The following ZBTB7A variants were observed in gnomAD, a reference collection of about 807,000 sequenced individuals.
ZBTB7A encodes zinc finger and BTB domain containing 7A.
Under a neutral mutation model 26.7 loss-of-function variants are expected in ZBTB7A, and 7 were observed. That is an observed-to-expected ratio of 0.26 (90% confidence interval 0.15 to 0.49). The LOEUF is 0.49. Ranked by LOEUF, ZBTB7A falls within the 20% of genes least tolerant of loss-of-function variation. The probability of loss-of-function intolerance (pLI) is 0.98; values close to 1 mark genes in which losing one functional copy is unlikely to be tolerated. For missense variants in ZBTB7A, 617 were observed against 919.5 expected (o/e 0.67, Z 4.25); for synonymous variants, 452 against 441.0 (o/e 1.02, Z -0.31).
chr19:4,063,949 T>A (rs2040664791), intron 1 of ZBTB7A, among the ~76,000 whole-genome samples: 1 of 152,196 alleles, frequency 6.6e-6, no homozygotes, highest in Admixed American at 6.5e-5. Context: ...AACGGGGATC[T>A]GCCACCAGGT....
At position 4,054,867 on chromosome 19, in the gene ZBTB7A, C is replaced by A. The variant is rs749231615; in HGVS notation, c.366G>T (p.Val122=). ...RLLEIPAVSH[V]CADLLDRQIL... Reference sequence around the variant, plus strand: ...TCTGCCGGTCCAGGAGGTCGGCGCACACGTGGCTCACGGCGGGGATCTCCA... The same window carrying A: ...TCTGCCGGTCCAGGAGGTCGGCGCAAACGTGGCTCACGGCGGGGATCTCCA... The change falls in exon 2 of 3, where the codon GTG becomes GTT. Residue 122 remains valine, a synonymous_variant. Coordinates refer to ENST00000322357, the MANE Select transcript of ZBTB7A (RefSeq NM_015898.4). 1.2e-6 allele frequency: 2 copies of A among 1,610,034 alleles called. No homozygotes were observed. Among genetic ancestry groups the A allele is most frequent in the East Asian group, 4.5e-5 (2 of 44,708 alleles).
At position 4,054,018 on chromosome 19, in the gene ZBTB7A, C is replaced by T. The variant is rs746460773; in HGVS notation, c.1215G>A (p.Thr405=). ...GKLPRHIRTH[T]GEKPYECNIC... Reference sequence around the variant, plus strand: ...TGTTGCACTCGTAGGGCTTCTCGCCCGTGTGGGTGCGGATGTGTCGCGGCA... The same window carrying T: ...TGTTGCACTCGTAGGGCTTCTCGCCTGTGTGGGTGCGGATGTGTCGCGGCA... Residue 405 remains threonine (T), a synonymous_variant, in exon 2 of 3, where the codon ACG becomes ACA. Coordinates refer to ENST00000322357, the MANE Select transcript of ZBTB7A (RefSeq NM_015898.4). 1 of 1,611,374 alleles carries T rather than the reference C, an allele frequency of 6.2e-7. No homozygotes were observed. The highest frequency in any genetic ancestry group is 1.1e-5 in the South Asian group (1 of 91,004).
At chr19:4,049,736 C>T (rs886072275) in intron 2 of ZBTB7A, among the ~76,000 whole-genome samples, 5 of 152,190 alleles carry the variant, frequency 3.3e-5, no homozygotes, top group African/African-American at 1.2e-4. Context: ...CGTCACTCCC[C>T]TATCTGGGCT....
At chr19:4,051,076 C>T (rs1388590078) in intron 2 of ZBTB7A, among the ~76,000 whole-genome samples, 43 of 109,768 alleles carry the variant, frequency 3.9e-4, no homozygotes, top group Admixed American at 1.0e-3. Flanking sequence ...CCAGCCTGGG[C>T]GACAGAGCAA....
intron 1 of ZBTB7A, chr19:4,062,021 TCTCC>T (rs1456911255): frequency 6.6e-6 from 1 of 152,148 alleles, no homozygotes; most frequent in Non-Finnish European, 1.5e-5. Context: ...GTGACCTCTC[TCTCC>T]CTCCCCTGAG....
rs557211563 is a variant in ZBTB7A, at chr19:4,047,886, C to T, written c.1621G>A (p.Glu541Lys). ...RNGQEKHFKD[E>K]DEDEDVASPD... ...CTGGCCACGTCCTCGTCCTCGTCCT[C>T]GTCCTTAAAGTGCTTCTCCTGGCCG... Residue 541 changes from glutamate (E) to lysine (K), a missense_variant, in exon 3 of 3, where the codon GAG becomes AAG. Physicochemically the swap from Glu to Lys is moderately conservative, Grantham distance 56 (BLOSUM62 1). Around this residue, in one of 5 missense-constraint regions of ZBTB7A, gnomAD observed 136 missense variants for 126.6 expected, o/e 1.07. Coordinates refer to ENST00000322357, the MANE Select transcript of ZBTB7A (RefSeq NM_015898.4). 3.8e-5 allele frequency: 60 copies of T among 1,596,318 alleles called. 1 individual carries two copies. The South Asian group carries it at 6.6e-4, about 18-fold the overall frequency.
chr19:4,055,002 G>A lies in ZBTB7A; in HGVS notation c.231C>T (p.Ile77=). Residue 77 remains isoleucine (I), a synonymous_variant, in exon 2 of 3, where the codon ATC becomes ATT. Transcript: ENST00000322357. ...AVVDQQNVYE[I]DFVSAEALTA... ...TGAGCGCCTCGGCGCTGACGAAGTC[G>A]ATCTCGTACACGTTCTGCTGGTCCA... is the stretch of plus-strand genomic sequence containing the variant. The A allele has an allele frequency of 6.2e-7, 1 of 1,611,718 alleles. No homozygotes were observed. The highest frequency in any genetic ancestry group is 1.3e-5 in the African/African-American group (1 of 75,016).
chr19:4,054,600 C>CGCGGCCACGGCGGCCACAGCG lies in ZBTB7A; in HGVS notation c.612_632dup (p.Ala205_Ala211dup). 6.3e-7 allele frequency: 1 copy of CGCGGCCACGGCGGCCACAGCG among 1,578,326 alleles called. No homozygotes were observed. Among genetic ancestry groups the CGCGGCCACGGCGGCCACAGCG allele is most frequent in the Non-Finnish European group, 8.6e-7 (1 of 1,167,696 alleles). ...AGAAGTCTAAGCCGTTGCAGTCGCC[C>CGCGGCCACGGCGGCCACAGCG]GCGGCCACGGCGGCCACAGCGGCGG... is the stretch of plus-strand genomic sequence containing the variant. On this transcript the variant is annotated inframe_insertion, in exon 2 of 3. Coordinates refer to ENST00000322357, the MANE Select transcript of ZBTB7A (RefSeq NM_015898.4).
rs935983558 is a variant in ZBTB7A at position 4,048,821 on chromosome 19, T to A, written c.1263-577A>T. Among the ~76,000 whole-genome samples, 10 of 150,478 alleles carry A rather than the reference T, an allele frequency of 6.6e-5. No homozygotes were observed. The highest frequency in any genetic ancestry group is 3.9e-4 in the East Asian group (2 of 5,086). On this transcript the variant is annotated intron_variant, in intron 2 of 2. Transcript: ENST00000322357. This position sits in a 1 kb window ranked among gnomAD's most constrained non-coding sequence, Gnocchi z 6.7. ...TGAAACTCCGTCTCAAAAAAAAAAA[T>A]TTCACTTTTTAAGAGCGAAACTCCG...
intron 1 of ZBTB7A, among the ~76,000 whole-genome samples, chr19:4,060,879 C>A (rs1049541488): frequency 6.6e-6 from 1 of 152,210 alleles, no homozygotes; most frequent in Non-Finnish European, 1.5e-5. Context: ...CCCACCCAAC[C>A]CTCTGCCCAG....
chr19:4,061,626 T>C (rs915218460), intron 1 of ZBTB7A: 1 of 152,126 alleles, frequency 6.6e-6, no homozygotes, highest in Non-Finnish European at 1.5e-5. Flanking sequence ...CCATTTTACG[T>C]GTCCATTTAT....
chr19:4,050,341 G>A (rs1398082794), intron 2 of ZBTB7A, among the ~76,000 whole-genome samples: 5 of 152,140 alleles, frequency 3.3e-5, no homozygotes, highest in Non-Finnish European at 7.3e-5. Context: ...GATTACAGGC[G>A]TGAGCCACCG....
At chr19:4,053,841 G>A (rs2144989004) in intron 2 of ZBTB7A, 130 bp downstream of exon 2, 1 of 1,056,074 alleles carries the variant, frequency 9.5e-7, no homozygotes, top group Middle Eastern at 3.1e-4. Context: ...GTGTCTGTGT[G>A]CACGTGCGTG....
chr19:4,063,783 C>T lies in ZBTB7A; in HGVS notation c.-16+2899G>A, dbSNP rs572342457. ...ATGGAGCACAGGGGGCAGCTCTGAC[C>T]CCACCTGAGTGACCTTGGGCCGCTC... On this transcript the variant is annotated intron_variant, in intron 1 of 2. Transcript: ENST00000322357. Among the ~76,000 whole-genome samples the T allele has an allele frequency of 2.0e-5, 3 of 152,230 alleles. No individual in the cohort carries two copies. The South Asian group carries it at 6.2e-4, about 32-fold the overall frequency.
intron 2 of ZBTB7A, among the ~76,000 whole-genome samples, chr19:4,049,196 ATATATATATATATGT>A (rs775892940): frequency 0.036 from 1,473 of 40,466 alleles, 239 homozygotes; most frequent in East Asian, 0.1. Flanking sequence ...ATATATATAT[ATATATATATATATGT>A]AAGTTTGAGA....
In ZBTB7A at chr19:4,048,394, G is replaced by A. The variant is rs2040452000; in HGVS notation, c.1263-150C>T. On this transcript the variant is annotated intron_variant, in intron 2 of 2. Transcript: ENST00000322357. This position sits in a 1 kb window ranked among gnomAD's most constrained non-coding sequence, Gnocchi z 6.7. ...GAGGTTTCGGTGCCCCGATGGGGAC[G>A]GTCCCTCGAAAAACGAGACGAGTGG... 1.7e-6 allele frequency: 2 copies of A among 1,187,868 alleles called. No individual in the cohort carries two copies. The highest frequency in any genetic ancestry group is 1.6e-5 in the African/African-American group (1 of 62,200). The allele number at this position is 1,187,868 out of a possible 1,614,324, so 73.6% of individuals were successfully genotyped here.
intron 1 of ZBTB7A, among the ~76,000 whole-genome samples, chr19:4,059,642 C>T (rs951897721): frequency 6.6e-6 from 1 of 152,134 alleles, no homozygotes; most frequent in Non-Finnish European, 1.5e-5. Context: ...GGGCCGGTCC[C>T]CCCACCCACC....
intron 2 of ZBTB7A, among the ~76,000 whole-genome samples, chr19:4,049,211 T>TATATATATATA (rs1265213875): frequency 0.027 from 1,175 of 42,800 alleles, 270 homozygotes; most frequent in Non-Finnish European, 0.043. Context: ...TATATATATG[T>TATATATATATA]AAGTTTGAGA....
chr19:4,053,961 G>C lies in ZBTB7A; in HGVS notation c.1262+10C>G. 6.3e-7 allele frequency: 1 copy of C among 1,587,416 alleles called. No individual in the cohort carries two copies. Among genetic ancestry groups the C allele is most frequent in the Non-Finnish European group, 8.6e-7 (1 of 1,169,238 alleles). ...GCAGGACGGCGCCTCCCCCGCGGCG[G>C]GCAGCTCACCTGGTGAAGCGGACCT... On this transcript the variant is annotated intron_variant, in intron 2 of 2. Coordinates refer to ENST00000322357, the MANE Select transcript of ZBTB7A (RefSeq NM_015898.4).
Sources: gnomAD v4.1 joint callset for allele counts (sites outside exome capture counted in the v4.1 genomes callset) on GRCh38, gnomAD v4.1.1 for gene constraint, gnomAD v4.1.1 regional missense constraint, Gnocchi (gnomAD v3.1) non-coding constraint, MANE v1.5 for transcripts, NCBI Gene and HGNC (gene_info 2026-07-23, HGNC 2026-07-21) for gene names.